The following FNDC3B variants were observed in gnomAD, a reference collection of about 807,000 sequenced individuals.
FNDC3B encodes fibronectin type III domain-containing protein 3B.
In FNDC3B, 12 loss-of-function variants were observed where a neutral mutation model predicts 151.5. The observed-to-expected ratio is 0.08, with a 90% CI of 0.05 to 0.13. The LOEUF is 0.13. FNDC3B is among the 10% of genes least tolerant of loss of function. The pLI is 1.00. For synonymous variants in FNDC3B, 528 were observed against 549.0 expected, an observed-to-expected ratio of 0.96 and a Z score of 0.54; for missense variants, 1,214 against 1,505.3, an observed-to-expected ratio of 0.81 and a Z score of 3.20.
At chr3:172,367,569 G>A (rs1202840849) in intron 23 of FNDC3B, among the ~76,000 whole-genome samples, 1 of 152,154 alleles carries the variant, frequency 6.6e-6, no homozygotes, top group African/African-American at 2.4e-5. Flanking sequence ...CCTCATACAG[G>A]CACTAGAATA....
At chr3:172,207,757 G>A (rs973829684) in intron 3 of FNDC3B, among the ~76,000 whole-genome samples, 4 of 152,132 alleles carry the variant, frequency 2.6e-5, no homozygotes, top group Non-Finnish European at 4.4e-5. Context: ...AAACCAGCCC[G>A]ACCAACATGG....
intron 1 of FNDC3B, among the ~76,000 whole-genome samples, chr3:172,049,108 G>A (rs1336584228): frequency 1.3e-5 from 2 of 152,122 alleles, no homozygotes; most frequent in Non-Finnish European, 2.9e-5. Context: ...TAAATTTTTT[G>A]TTATGTATAT....
chr3:172,176,649 G>A (rs1453411474), intron 3 of FNDC3B, among the ~76,000 whole-genome samples: 2 of 152,226 alleles, frequency 1.3e-5, no homozygotes, highest in Non-Finnish European at 1.5e-5. Flanking sequence ...GTGCTTTGCA[G>A]TTGGAAAGTG....
intron 17 of FNDC3B, 78 bp downstream of exon 17, chr3:172,341,309 G>A: frequency 9.7e-7 from 1 of 1,034,986 alleles, no homozygotes; most frequent in Non-Finnish European, 1.5e-6. Context: ...GAAGCAAATT[G>A]CAGTTTAAAC....
rs1276909045 is a variant in FNDC3B at position 172,074,808 on chromosome 3, T to G, written c.-29+35037T>G. Among the ~76,000 whole-genome samples the G allele has an allele frequency of 2.0e-5, 3 of 152,168 alleles. No homozygotes were observed. The East Asian group carries it at 5.8e-4, about 29-fold the overall frequency. Reference sequence around the variant, plus strand: ...TACCGGTTGGGGACCCACAGTTAGCTTATTGCAGAACTGCATCTGGCATAA... The same window carrying G: ...TACCGGTTGGGGACCCACAGTTAGCGTATTGCAGAACTGCATCTGGCATAA... On this transcript the variant is annotated intron_variant, in intron 1 of 25. Coordinates refer to ENST00000415807, the MANE Select transcript of FNDC3B (RefSeq NM_022763.4).
chr3:172,091,857 G>A, intron 1 of FNDC3B, among the ~76,000 whole-genome samples: 1 of 139,004 alleles, frequency 7.2e-6, no homozygotes, highest in African/African-American at 2.8e-5. Flanking sequence ...TACTCACAGT[G>A]CCCTGACTTT....
chr3:172,132,105 T>C (rs1354627507), intron 2 of FNDC3B, among the ~76,000 whole-genome samples: 1 of 152,084 alleles, frequency 6.6e-6, no homozygotes, highest in Non-Finnish European at 1.5e-5. Flanking sequence ...GAACACATAG[T>C]GGGGGACTTG....
chr3:172,364,719 A>C (rs373627696), intron 23 of FNDC3B, among the ~76,000 whole-genome samples: 1 of 152,226 alleles, frequency 6.6e-6, no homozygotes, highest in African/African-American at 2.4e-5. Context: ...TATGCCAGAC[A>C]AAAAACAGTG....
chr3:172,230,988 A>G (rs1726860212), intron 4 of FNDC3B, among the ~76,000 whole-genome samples: 1 of 152,246 alleles, frequency 6.6e-6, no homozygotes, highest in Non-Finnish European at 1.5e-5. Flanking sequence ...ATATGACCAC[A>G]CAAACACTTG....
rs540057640 is a variant in FNDC3B, at chr3:172,088,399, A to G, written c.-28-24053A>G. Among the ~76,000 whole-genome samples, 8 of 152,330 alleles carry G rather than the reference A, an allele frequency of 5.3e-5. No homozygotes were observed. In the South Asian group the frequency reaches 1.7e-3, roughly 32 times the overall value. ...CTGAAACCCAAATCTCCAGATGGCC[A>G]CCACGGTCATCTTTCCTCAGTATCA... On this transcript the variant is annotated intron_variant, in intron 1 of 25. Transcript: ENST00000415807.
intron 2 of FNDC3B, among the ~76,000 whole-genome samples, chr3:172,121,466 G>A (rs568045297): frequency 3.9e-5 from 6 of 152,012 alleles, no homozygotes; most frequent in African/African-American, 9.7e-5. Context: ...AATAAGTGCC[G>A]CATGGAACAT....
In FNDC3B at chr3:172,354,883, T is replaced by TG. The variant is rs1431756870; in HGVS notation, c.2795+1800_2795+1801insG. Among the ~76,000 whole-genome samples the TG allele has an allele frequency of 7.2e-5, 11 of 151,740 alleles. No homozygotes were observed. The South Asian group carries it at 2.3e-3, about 31-fold the overall frequency. On this transcript the variant is annotated intron_variant, in intron 22 of 25. Transcript: ENST00000415807. ...TGTTTGATTTTCTTTTTTTTTTTTT[T>TG]TTAAGCCTTCAGCAGTTACATATTG...
chr3:172,340,271 C>T (rs994522284), intron 16 of FNDC3B, among the ~76,000 whole-genome samples: 5 of 145,650 alleles, frequency 3.4e-5, no homozygotes, highest in Admixed American at 1.5e-4. Context: ...TTGTCACCCC[C>T]GTAGGCATTT....
At chr3:172,274,382 A>T (rs549361456) in intron 6 of FNDC3B, among the ~76,000 whole-genome samples, 1 of 152,298 alleles carries the variant, frequency 6.6e-6, no homozygotes, top group African/African-American at 2.4e-5. Flanking sequence ...CTTTGGACAC[A>T]GGAGATGGCA....
chr3:172,393,887 T>A (rs559947591), intron 25 of FNDC3B, among the ~76,000 whole-genome samples: 1 of 151,894 alleles, frequency 6.6e-6, no homozygotes, highest in South Asian at 2.1e-4. Context: ...GGTGAGCAGA[T>A]CATGAGGTCA....
chr3:172,078,180 A>AT (rs909271018), intron 1 of FNDC3B, among the ~76,000 whole-genome samples: 3 of 151,852 alleles, frequency 2.0e-5, no homozygotes, highest in African/African-American at 7.2e-5. Context: ...GGGTTTTGCC[A>AT]TGTTGGCCAG....
chr3:172,354,355 A>G (rs1351529706), intron 22 of FNDC3B, among the ~76,000 whole-genome samples: 2 of 151,980 alleles, frequency 1.3e-5, no homozygotes, highest in Non-Finnish European at 2.9e-5. Flanking sequence ...AGTACATTTT[A>G]TATTTTATAT....
At chr3:172,199,213 G>A (rs1477849057) in intron 3 of FNDC3B, among the ~76,000 whole-genome samples, 52 of 143,234 alleles carry the variant, frequency 3.6e-4, no homozygotes, top group Non-Finnish European at 6.5e-4. Context: ...ACGGAGTCTC[G>A]CTGTCGCCCA....
At position 172,333,006 on chromosome 3, in the gene FNDC3B, G is replaced by A. The variant is rs1732756919; in HGVS notation, c.1555-83G>A. 4 of 858,944 alleles carry A rather than the reference G, an allele frequency of 4.7e-6. No individual in the cohort carries two copies. In the East Asian group the frequency reaches 7.3e-5, roughly 16 times the overall value. 53.2% of individuals were successfully genotyped at this position (858,944 alleles called of 1,614,324 possible). A position where few individuals can be genotyped will look rare whatever the true frequency, so the allele number is the denominator to read the frequency against. ...CAGTTGCTGGTGATGGTAGGGAAAG[G>A]CAGTATAAAAATCCTGTATTCAAAG... On this transcript the variant is annotated intron_variant, in intron 13 of 25. Transcript: ENST00000415807.
Sources: allele counts gnomAD v4.1 joint callset (sites outside exome capture counted in the v4.1 genomes callset), GRCh38; gene constraint gnomAD v4.1.1; transcripts MANE v1.5; gene names NCBI Gene and HGNC (gene_info 2026-07-23, HGNC 2026-07-21).